The following CHURC1 variants were observed in gnomAD, a reference collection of about 807,000 sequenced individuals.
The protein encoded by CHURC1 is protein Churchill.
CHURC1 carries 12 observed loss-of-function variants against 15.4 expected under a neutral mutation model. The observed-to-expected ratio is 0.78, with a 90% confidence interval of 0.50 to 1.27. The LOEUF (loss-of-function observed/expected upper bound fraction) is 1.27, where lower values mean the gene tolerates loss of function less well. Ranked by LOEUF, CHURC1 falls within the 50% of genes most tolerant of loss-of-function variation. CHURC1 has a pLI of 0.00. For missense variants in CHURC1, 132 were observed against 137.8 expected (o/e 0.96, Z 0.21); for synonymous variants, 42 against 47.5 (o/e 0.88, Z 0.48).
intron 1 of CHURC1, among the ~76,000 whole-genome samples, chr14:64,918,000 G>A (rs1045539252): frequency 6.6e-6 from 1 of 152,208 alleles, no homozygotes; most frequent in African/African-American, 2.4e-5. Context: ...AGATAGATGA[G>A]TCAGTCAAAT....
chr14:64,920,402 C>G (rs1884195479), intron 1 of CHURC1, among the ~76,000 whole-genome samples: 1 of 152,126 alleles, frequency 6.6e-6, no homozygotes, highest in African/African-American at 2.4e-5. Context: ...GAAAACCTTC[C>G]CTGAATAATG....
chr14:64,926,195 T>A, intron 3 of CHURC1, 115 bp downstream of exon 3: 1 of 539,988 alleles, frequency 1.9e-6, no homozygotes, highest in Non-Finnish European at 3.0e-6. Context: ...TTAGCATATA[T>A]TAAAGGAGAC....
chr14:64,924,599 C>T (rs534155481), intron 2 of CHURC1: 1 of 152,222 alleles, frequency 6.6e-6, no homozygotes, highest in South Asian at 2.1e-4. Flanking sequence ...TGTTTCTGCT[C>T]AGAATGTCTA....
intron 1 of CHURC1, among the ~76,000 whole-genome samples, chr14:64,916,767 A>G (rs547591411): frequency 1.1e-4 from 16 of 152,112 alleles, no homozygotes; most frequent in Non-Finnish European, 1.9e-4. Flanking sequence ...TTTAGTAGAG[A>G]CAGGGTTTCG....
In CHURC1 at chr14:64,924,687, A is replaced by G. The variant is rs1008748986; in HGVS notation, c.175+561A>G. 5.3e-5 allele frequency among the ~76,000 whole-genome samples: 8 copies of G among 152,082 alleles called. No homozygotes were observed. The South Asian group carries it at 6.2e-4, about 12-fold the overall frequency. On this transcript the variant is annotated intron_variant, in intron 2 of 3. Coordinates refer to ENST00000549115, the MANE Select transcript of CHURC1 (RefSeq NM_001386928.1). ...CTGCTAAATAATAAGCTGCCTTCCT[A>G]TCCTTCTTCTCGTCCTCAATACTGG...
intron 1 of CHURC1, among the ~76,000 whole-genome samples, chr14:64,916,403 T>C (rs186895119): frequency 1.4e-4 from 22 of 152,342 alleles, no homozygotes; most frequent in Admixed American, 1.4e-3. Flanking sequence ...GTACACTTTA[T>C]AATCATTTCT....
chr14:64,914,479 C>CTGT lies in CHURC1; in HGVS notation c.-14_-12dup. On this transcript the variant is annotated 5_prime_UTR_variant, in exon 1 of 4. Transcript: ENST00000549115. ...TCCCGGAAGCGTTGGAGGACATTCC[C>CTGT]TGTTGACTGCGTCGCGATGTGTGGC... is the stretch of plus-strand genomic sequence containing the variant. The CTGT allele has an allele frequency of 6.2e-7, 1 of 1,614,274 alleles. No homozygotes were observed. The highest frequency in any genetic ancestry group is 8.5e-7 in the Non-Finnish European group (1 of 1,180,040).
chr14:64,924,196 C>T, intron 2 of CHURC1, 70 bp downstream of exon 2: 1 of 1,476,976 alleles, frequency 6.8e-7, no homozygotes, highest in East Asian at 2.4e-5. Flanking sequence ...ATATGTTACA[C>T]AAAATATTCT....
intron 3 of CHURC1, among the ~76,000 whole-genome samples, chr14:64,929,334 A>G (rs4902342): frequency 0.072 from 10,969 of 151,876 alleles, 511 homozygotes; most frequent in South Asian, 0.12. Flanking sequence ...CTCAAATTCC[A>G]TCTCCTCTTT....
In CHURC1 at chr14:64,934,264, C is replaced by T. The variant is rs1002290362; in HGVS notation, c.*2034C>T. 1 of 332,862 alleles carries T rather than the reference C, an allele frequency of 3.0e-6. No homozygotes were observed. The highest frequency in any genetic ancestry group is 4.3e-6 in the Non-Finnish European group (1 of 233,690). The allele number at this position is 332,862 out of a possible 1,614,324, so 20.6% of individuals were successfully genotyped here. A position where few individuals can be genotyped will look rare whatever the true frequency, so the allele number is the denominator to read the frequency against. On this transcript the variant is annotated 3_prime_UTR_variant, in exon 4 of 4. Coordinates refer to ENST00000549115, the MANE Select transcript of CHURC1 (RefSeq NM_001386928.1). The stretch of plus-strand genomic sequence containing the variant: ...CATGGGAGGCTGAACAGGAGAATCG[C>T]TTGAACCCGCGACAGGGAGGTTGTG...
chr14:64,931,786 G>A (rs2139920817), intron 3 of CHURC1, among the ~76,000 whole-genome samples: 1 of 152,276 alleles, frequency 6.6e-6, no homozygotes, highest in African/African-American at 2.4e-5. Flanking sequence ...TTTCTGTTGT[G>A]TATTAGTGTT....
At chr14:64,923,868 C>CT in intron 1 of CHURC1, 123 bp from the exon 2 acceptor site, 2 of 876,420 alleles carry the variant, frequency 2.3e-6, no homozygotes, top group Non-Finnish European at 3.0e-6. Flanking sequence ...GGTATATGAC[C>CT]TAGAAGTAAA....
chr14:64,923,881 C>A, intron 1 of CHURC1, 110 bp from the exon 2 acceptor site: 1 of 1,071,006 alleles, frequency 9.3e-7, no homozygotes, highest in Non-Finnish European at 1.2e-6. Flanking sequence ...GAAGTAAATG[C>A]TGGCCATTTT....
At position 64,917,884 on chromosome 14, in the gene CHURC1, T is replaced by C. The variant is rs79768176; in HGVS notation, c.39+3350T>C. On this transcript the variant is annotated intron_variant, in intron 1 of 3. Coordinates refer to ENST00000549115, the MANE Select transcript of CHURC1 (RefSeq NM_001386928.1). ...GGCATATGGGAAGAAAAAACAAAATTGGGGACAAATGGTCAAATTGTTATT... is the reference window on the plus strand; with the variant it reads ...GGCATATGGGAAGAAAAAACAAAATCGGGGACAAATGGTCAAATTGTTATT... Among the ~76,000 whole-genome samples, 278 of 152,244 alleles carry C rather than the reference T, an allele frequency of 1.8e-3. 3 individuals are homozygous for C. The highest frequency in any genetic ancestry group is 6.5e-3 in the African/African-American group (271 of 41,544).
Position 64,926,012 on chromosome 14 carries a change from T to C in CHURC1, c.178T>C (p.Leu60=). 1 of 1,594,246 alleles carries C rather than the reference T, an allele frequency of 6.3e-7. No homozygotes were observed. Among genetic ancestry groups the C allele is most frequent in the Non-Finnish European group, 8.5e-7 (1 of 1,172,232 alleles). ...TAAGTCTCTCTTTGTTTTAGCAGAT[T>C]TGTGTAAGAATTGTCATCATGTAAT... ...DGEEIVTYDH[L]CKNCHHVIAR... The change falls in exon 3 of 4, where the codon TTG becomes CTG. Residue 60 remains leucine (L), a splice_region_variant and synonymous_variant. Coordinates refer to ENST00000549115, the MANE Select transcript of CHURC1 (RefSeq NM_001386928.1).
At chr14:64,923,273 CAA>C (rs563823780) in intron 1 of CHURC1, among the ~76,000 whole-genome samples, 14 of 103,240 alleles carry the variant, frequency 1.4e-4, no homozygotes, top group Non-Finnish European at 2.0e-4. Context: ...TCTCAATTAC[CAA>C]AAAAAAAAAA....
chr14:64,928,179 C>T (rs1465439751), intron 3 of CHURC1, among the ~76,000 whole-genome samples: 11 of 152,086 alleles, frequency 7.2e-5, no homozygotes, highest in African/African-American at 1.9e-4. Context: ...CTCATGTTAT[C>T]GTCTTTCTTT....
chr14:64,929,689 T>G (rs1884965497), intron 3 of CHURC1, among the ~76,000 whole-genome samples: 1 of 152,220 alleles, frequency 6.6e-6, no homozygotes, highest in South Asian at 2.1e-4. Flanking sequence ...ACCATTCTCA[T>G]ATCCCCCCAT....
chr14:64,915,096 AT>A (rs1883774686), intron 1 of CHURC1, among the ~76,000 whole-genome samples: 1 of 152,178 alleles, frequency 6.6e-6, no homozygotes, highest in Non-Finnish European at 1.5e-5. Context: ...GTCTATTCTC[AT>A]TCATTCAAGG....
Sources: allele counts gnomAD v4.1 joint callset (sites outside exome capture counted in the v4.1 genomes callset), GRCh38; gene constraint gnomAD v4.1.1; transcripts MANE v1.5; gene names NCBI Gene and HGNC (gene_info 2026-07-23, HGNC 2026-07-21).